Variants in MSRB3 observed in about 807,000 individuals in gnomAD.
MSRB3 encodes methionine sulfoxide reductase B3.
MSRB3 carries 13 observed loss-of-function variants against 21.0 expected under a neutral mutation model. That is an observed-to-expected ratio of 0.62 (90% CI 0.40 to 0.98). The LOEUF is 0.98. MSRB3 is among the 50% of genes least tolerant of loss of function. The pLI, the probability that MSRB3 is intolerant of heterozygous loss-of-function variation, is 0.00. For synonymous variants in MSRB3, 87 were observed against 88.6 expected (o/e 0.98, Z 0.10); for missense variants, 199 against 230.3 (o/e 0.86, Z 0.88).
At chr12:65,353,022 A>G (rs1324428376) in intron 4 of MSRB3, among the ~76,000 whole-genome samples, 1 of 151,432 alleles carries the variant, frequency 6.6e-6, no homozygotes, top group Admixed American at 6.6e-5. Context: ...ATCCTAAGCC[A>G]AAAGAACAAA....
chr12:65,442,765 T>A (rs1882441562), intron 5 of MSRB3, among the ~76,000 whole-genome samples: 1 of 152,066 alleles, frequency 6.6e-6, no homozygotes, highest in Admixed American at 6.6e-5. Flanking sequence ...TTGAGAGACA[T>A]TTTTTAATGG....
At chr12:65,361,393 C>G (rs1002359048) in intron 4 of MSRB3, among the ~76,000 whole-genome samples, 1 of 152,078 alleles carries the variant, frequency 6.6e-6, no homozygotes, top group Non-Finnish European at 1.5e-5. Flanking sequence ...TCTCTGTTGG[C>G]TCCTTTCCCA....
intron 5 of MSRB3, among the ~76,000 whole-genome samples, chr12:65,438,609 G>A (rs745924135): frequency 5.9e-5 from 9 of 151,854 alleles, no homozygotes; most frequent in African/African-American, 2.2e-4. Context: ...AAAATAGAAA[G>A]ACAACAGGAT....
chr12:65,282,344 A>G (rs531604411), intron 1 of MSRB3, among the ~76,000 whole-genome samples: 1 of 152,054 alleles, frequency 6.6e-6, no homozygotes, highest in Non-Finnish European at 1.5e-5. Flanking sequence ...TGCTCAGCAC[A>G]GTCCCTCATC....
At chr12:65,461,385 A>G (rs1022859436) in intron 6 of MSRB3, among the ~76,000 whole-genome samples, 1 of 152,244 alleles carries the variant, frequency 6.6e-6, no homozygotes. Flanking sequence ...CTAAACCTGC[A>G]TCGAATGTGG....
At chr12:65,355,010 A>G (rs1592558266) in intron 4 of MSRB3, among the ~76,000 whole-genome samples, 1 of 151,808 alleles carries the variant, frequency 6.6e-6, no homozygotes, top group East Asian at 1.9e-4. Context: ...AAAGATTTTA[A>G]TTTTTTGGAT....
chr12:65,349,728 T>C (rs1245534885), intron 4 of MSRB3, among the ~76,000 whole-genome samples: 1 of 150,656 alleles, frequency 6.6e-6, no homozygotes, highest in Non-Finnish European at 1.5e-5. Context: ...TGTCTGTTCA[T>C]GTCCTTCACC....
At chr12:65,363,122 T>A (rs1409029151) in intron 4 of MSRB3, among the ~76,000 whole-genome samples, 1 of 152,200 alleles carries the variant, frequency 6.6e-6, no homozygotes, top group Non-Finnish European at 1.5e-5. Flanking sequence ...CTAGAATCTT[T>A]AGTTGATATC....
intron 5 of MSRB3, among the ~76,000 whole-genome samples, chr12:65,384,546 T>C (rs973624105): frequency 9.9e-5 from 15 of 152,146 alleles, no homozygotes; most frequent in African/African-American, 3.6e-4. Flanking sequence ...ACATTCTGTT[T>C]TTAATGACCT....
At chr12:65,314,309 A>C (rs1376727435) in intron 2 of MSRB3, among the ~76,000 whole-genome samples, 2 of 152,116 alleles carry the variant, frequency 1.3e-5, no homozygotes, top group Non-Finnish European at 2.9e-5. Context: ...TGTGTTTTGA[A>C]TTTTTATAGA....
intron 4 of MSRB3, among the ~76,000 whole-genome samples, chr12:65,364,142 A>G (rs1877869684): frequency 6.6e-6 from 1 of 152,176 alleles, no homozygotes; most frequent in African/African-American, 2.4e-5. Context: ...CATTCCAGCC[A>G]GTGGCAAGAA....
chr12:65,350,966 T>C (rs1418402565), intron 4 of MSRB3, among the ~76,000 whole-genome samples: 4 of 148,918 alleles, frequency 2.7e-5, no homozygotes, highest in African/African-American at 1.0e-4. Flanking sequence ...GCGGACCTAA[T>C]AGACATCTAC....
intron 5 of MSRB3, among the ~76,000 whole-genome samples, chr12:65,393,439 C>T (rs991093024): frequency 8.6e-5 from 13 of 151,948 alleles, no homozygotes; most frequent in Non-Finnish European, 1.8e-4. Context: ...CAAGACCATC[C>T]TGGCTAACAC....
intron 4 of MSRB3, among the ~76,000 whole-genome samples, chr12:65,333,284 C>G (rs2136460303): frequency 6.6e-6 from 1 of 152,196 alleles, no homozygotes; most frequent in South Asian, 2.1e-4. Flanking sequence ...CAAAATAATG[C>G]TAGTGTCTCT....
intron 4 of MSRB3, among the ~76,000 whole-genome samples, chr12:65,350,281 G>A (rs1052069084): frequency 2.0e-5 from 3 of 151,346 alleles, no homozygotes; most frequent in Non-Finnish European, 3.0e-5. Context: ...CTCTGTTTTG[G>A]TACCAGTACC....
At chr12:65,328,356 T>C (rs1875191826) in intron 3 of MSRB3, among the ~76,000 whole-genome samples, 170 bp from the exon 4 acceptor site, 1 of 152,156 alleles carries the variant, frequency 6.6e-6, no homozygotes, top group South Asian at 2.1e-4. Flanking sequence ...CATTTTATTA[T>C]ATAGATTTGA....
intron 1 of MSRB3, among the ~76,000 whole-genome samples, chr12:65,305,583 A>C (rs1873605127): frequency 6.6e-6 from 1 of 152,170 alleles, no homozygotes. Context: ...TAAGTGTAAG[A>C]CCTTAGGCCA....
intron 5 of MSRB3, among the ~76,000 whole-genome samples, chr12:65,371,369 G>A (rs942682433): frequency 3.4e-5 from 5 of 148,946 alleles, no homozygotes; most frequent in African/African-American, 1.2e-4. Flanking sequence ...TAGCATATTG[G>A]AACAATTAAA....
chr12:65,372,315 T>C (rs996903829), intron 5 of MSRB3, among the ~76,000 whole-genome samples: 1 of 152,202 alleles, frequency 6.6e-6, no homozygotes, highest in Non-Finnish European at 1.5e-5. Context: ...TCCAGAAATT[T>C]TCTATTCTCA....
Sources: gnomAD v4.1 joint callset for allele counts (sites outside exome capture counted in the v4.1 genomes callset) on GRCh38, gnomAD v4.1.1 for gene constraint, MANE v1.5 for transcripts, NCBI Gene and HGNC (gene_info 2026-07-23, HGNC 2026-07-21) for gene names.